The following RNF220 variants were observed in gnomAD, a reference collection of about 807,000 sequenced individuals.
RNF220 encodes ring finger protein 220, also known as E3 ubiquitin-protein ligase RNF220.
RNF220 carries 7 observed loss-of-function variants against 67.1 expected under a neutral mutation model. That is an observed-to-expected ratio of 0.10 (90% confidence interval 0.06 to 0.20). RNF220 has a LOEUF of 0.20. Ranked by LOEUF, RNF220 falls within the 10% of genes least tolerant of loss-of-function variation. RNF220 has a pLI of 1.00. For synonymous variants in RNF220, 270 were observed against 283.2 expected, an observed-to-expected ratio of 0.95 and a Z score of 0.47; for missense variants, 565 against 740.3, an observed-to-expected ratio of 0.76 and a Z score of 2.75.
intron 5 of RNF220, among the ~76,000 whole-genome samples, chr1:44,628,133 C>G (rs1236980926): frequency 6.6e-6 from 1 of 152,240 alleles, no homozygotes; most frequent in Non-Finnish European, 1.5e-5. Flanking sequence ...TGATAGGGAA[C>G]AGAGACAAGG....
chr1:44,432,180 T>TA (rs1307618003), intron 2 of RNF220, among the ~76,000 whole-genome samples: 1 of 152,196 alleles, frequency 6.6e-6, no homozygotes, highest in Non-Finnish European at 1.5e-5. Context: ...TTTATTGTGA[T>TA]AAAGTATGCA....
chr1:44,442,432 C>T (rs899928758), intron 2 of RNF220, among the ~76,000 whole-genome samples: 5 of 151,952 alleles, frequency 3.3e-5, no homozygotes, highest in Non-Finnish European at 7.4e-5. Context: ...TGTGAGCCAC[C>T]GTGCCCAGCC....
At chr1:44,415,188 C>T (rs907653245) in intron 2 of RNF220, among the ~76,000 whole-genome samples, 4 of 151,434 alleles carry the variant, frequency 2.6e-5, no homozygotes, top group South Asian at 2.1e-4. Flanking sequence ...TGTCATATGC[C>T]GACGTGTGTC....
At chr1:44,494,370 T>C (rs1253143638) in intron 2 of RNF220, among the ~76,000 whole-genome samples, 1 of 152,090 alleles carries the variant, frequency 6.6e-6, no homozygotes, top group East Asian at 1.9e-4. Context: ...AGAAATTAAT[T>C]CAACTAGAGA....
intron 2 of RNF220, among the ~76,000 whole-genome samples, chr1:44,583,352 C>A (rs769625578): frequency 6.6e-6 from 1 of 152,126 alleles, no homozygotes; most frequent in Admixed American, 6.5e-5. Context: ...CTTGGCTTCT[C>A]GCAAAGTAAT....
chr1:44,429,082 C>T (rs906319829), intron 2 of RNF220, among the ~76,000 whole-genome samples: 1 of 151,984 alleles, frequency 6.6e-6, no homozygotes, highest in African/African-American at 2.4e-5. Flanking sequence ...CCTCCCTGCA[C>T]TTTCATTCCT....
Position 44,412,826 on chromosome 1 carries a change from G to A in RNF220, c.625+104G>A, listed in dbSNP as rs530932714. The stretch of plus-strand genomic sequence containing the variant: ...TTGCATGCTCCTAGTAATAGGAAGG[G>A]CCAACTACTTCCCTTTCACTAGCTG... On this transcript the variant is annotated intron_variant, in intron 2 of 14. Transcript: ENST00000361799. The surrounding 1 kb of genome is among the most constrained non-coding windows in gnomAD (Gnocchi z 5.3). 4.6e-6 allele frequency: 6 copies of A among 1,306,586 alleles called. No individual in the cohort carries two copies. Among genetic ancestry groups the A allele is most frequent in the Non-Finnish European group, 6.4e-6 (6 of 942,408 alleles). The allele number at this position is 1,306,586 out of a possible 1,614,324, so 80.9% of individuals were successfully genotyped here.
chr1:44,440,738 T>A (rs570481792), intron 2 of RNF220, among the ~76,000 whole-genome samples: 1 of 152,326 alleles, frequency 6.6e-6, no homozygotes, highest in Non-Finnish European at 1.5e-5. Flanking sequence ...GAATTCTGAC[T>A]AAGAACAGAC....
At chr1:44,444,722 T>A (rs1232221101) in intron 2 of RNF220, among the ~76,000 whole-genome samples, 3 of 152,156 alleles carry the variant, frequency 2.0e-5, no homozygotes. Context: ...ATTACAGGAG[T>A]GGGCCACCAT....
At chr1:44,627,027 C>T in intron 5 of RNF220, 1 of 97,360 alleles carries the variant, frequency 1.0e-5, no homozygotes, top group Non-Finnish European at 1.9e-5. Flanking sequence ...CAGAGTGAGA[C>T]TCCATCTCAA....
At chr1:44,626,252 A>T in intron 4 of RNF220, 45 bp from the exon 5 acceptor site, 1 of 1,436,370 alleles carries the variant, frequency 7.0e-7, no homozygotes. Context: ...GACTGACTGT[A>T]GGTCTCATTT....
intron 2 of RNF220, among the ~76,000 whole-genome samples, chr1:44,521,460 G>A (rs906678976): frequency 6.6e-6 from 1 of 152,146 alleles, no homozygotes; most frequent in Non-Finnish European, 1.5e-5. Context: ...GTCCAATGGA[G>A]ACCTCACCTG....
intron 2 of RNF220, among the ~76,000 whole-genome samples, chr1:44,466,800 T>C (rs1654313180): frequency 6.6e-6 from 1 of 152,230 alleles, no homozygotes; most frequent in Non-Finnish European, 1.5e-5. Context: ...AGATGTGCTG[T>C]CATCATGGCT....
chr1:44,560,617 AATGAGGCG>A (rs1265922911), intron 2 of RNF220, among the ~76,000 whole-genome samples: 1 of 152,166 alleles, frequency 6.6e-6, no homozygotes, highest in Non-Finnish European at 1.5e-5. Context: ...GCTGGAGTGC[AATGAGGCG>A]ATCTCTGCTC....
At chr1:44,592,011 C>CA (rs1194507877) in intron 2 of RNF220, among the ~76,000 whole-genome samples, 1 of 152,162 alleles carries the variant, frequency 6.6e-6, no homozygotes, top group Non-Finnish European at 1.5e-5. Flanking sequence ...GCCTGGGCCT[C>CA]ACTCCTTACT....
intron 2 of RNF220, among the ~76,000 whole-genome samples, chr1:44,545,757 A>ATTT (rs11372709): frequency 3.6e-5 from 5 of 140,730 alleles, no homozygotes; most frequent in East Asian, 2.1e-4. Context: ...CAGAAACCCA[A>ATTT]TTTTTTTTTT....
In RNF220 at chr1:44,630,174, G is replaced by A. The variant is rs543836525; in HGVS notation, c.907-2169G>A. On this transcript the variant is annotated intron_variant, in intron 5 of 14. Coordinates refer to ENST00000361799, the MANE Select transcript of RNF220 (RefSeq NM_018150.4). ...GCTGGTCTTGAACTCCTGGGCTCAAGCAATCCTCCTGCATTGGCTTTCCAA... is the reference window on the plus strand; with the variant it reads ...GCTGGTCTTGAACTCCTGGGCTCAAACAATCCTCCTGCATTGGCTTTCCAA... Among the ~76,000 whole-genome samples, 6 of 152,340 alleles carry A rather than the reference G, an allele frequency of 3.9e-5. No homozygotes were observed. In the East Asian group the frequency reaches 1.2e-3, roughly 29 times the overall value.
chr1:44,530,583 A>G (rs184649437), intron 2 of RNF220, among the ~76,000 whole-genome samples: 1 of 152,224 alleles, frequency 6.6e-6, no homozygotes, highest in Non-Finnish European at 1.5e-5. Flanking sequence ...AAAAGTCTCT[A>G]CACAATTTAT....
chr1:44,497,184 A>G (rs535050263), intron 2 of RNF220, among the ~76,000 whole-genome samples: 1 of 152,254 alleles, frequency 6.6e-6, no homozygotes, highest in South Asian at 2.1e-4. Context: ...AGGCATCTCT[A>G]GAGGTCCCGT....
Sources: allele counts gnomAD v4.1 joint callset (sites outside exome capture counted in the v4.1 genomes callset), GRCh38; gene constraint gnomAD v4.1.1; non-coding constraint Gnocchi (gnomAD v3.1); transcripts MANE v1.5; gene names NCBI Gene and HGNC (gene_info 2026-07-23, HGNC 2026-07-21).